Variants in TMIGD1 observed in about 807,000 individuals in gnomAD.
TMIGD1 encodes the protein transmembrane and immunoglobulin domain-containing protein 1.
In TMIGD1, 29 loss-of-function variants were observed where a neutral mutation model predicts 27.5. That is an observed-to-expected ratio of 1.05 (90% confidence interval 0.78 to 1.44). The LOEUF (loss-of-function observed/expected upper bound fraction) is 1.44, where lower values mean the gene tolerates loss of function less well. TMIGD1 is among the 40% of genes most tolerant of loss of function. TMIGD1 has a pLI of 0.00. For missense variants in TMIGD1, 334 were observed against 310.6 expected (o/e 1.08, Z -0.57); for synonymous variants, 109 against 110.3 (o/e 0.99, Z 0.07).
intron 2 of TMIGD1, among the ~76,000 whole-genome samples, chr17:30,330,103 C>T (rs982022821): frequency 3.3e-5 from 5 of 151,878 alleles, no homozygotes; most frequent in African/African-American, 1.2e-4. Flanking sequence ...AGTACTGATG[C>T]CTGATTCTCA....
chr17:30,319,379 C>T (rs1246093949), intron 4 of TMIGD1, among the ~76,000 whole-genome samples: 14 of 136,324 alleles, frequency 1.0e-4, no homozygotes, highest in Admixed American at 1.5e-4. Flanking sequence ...GAGCCAGGGT[C>T]GCGCTACTGC....
intron 6 of TMIGD1, 142 bp downstream of exon 6, chr17:30,317,051 A>G (rs1174637986): frequency 1.0e-6 from 1 of 990,492 alleles, no homozygotes; most frequent in African/African-American, 1.6e-5. Flanking sequence ...AAGTGGAGGC[A>G]GATTTTCCTC....
chr17:30,324,764 C>T, intron 4 of TMIGD1, 52 bp downstream of exon 4: 1 of 1,553,342 alleles, frequency 6.4e-7, no homozygotes, highest in South Asian at 1.1e-5. Flanking sequence ...ATTCACTGAG[C>T]ATCTGGTGTG....
At chr17:30,320,742 A>AGACACTTGG (rs1909592441) in intron 4 of TMIGD1, among the ~76,000 whole-genome samples, 1 of 152,234 alleles carries the variant, frequency 6.6e-6, no homozygotes, top group Non-Finnish European at 1.5e-5. Context: ...CCGTAGTCCC[A>AGACACTTGG]GACACTTGGG....
intron 4 of TMIGD1, 107 bp downstream of exon 4, chr17:30,324,709 T>A: frequency 7.5e-7 from 1 of 1,326,622 alleles, no homozygotes; most frequent in Non-Finnish European, 1.0e-6. Flanking sequence ...AAGAAAATCC[T>A]GGCCCTAATC....
chr17:30,330,979 G>T lies in TMIGD1; in HGVS notation c.82+1073C>A, dbSNP rs142497724. Among the ~76,000 whole-genome samples, 105 of 152,174 alleles carry T rather than the reference G, an allele frequency of 6.9e-4. 1 individual carries two copies. Among genetic ancestry groups the T allele is most frequent in the African/African-American group, 2.4e-3 (99 of 41,502 alleles). ...AGGCTGAGGCGGACGGATCACCTGAGGTCAAAAGTTTGAGACCAGCCTGGC... is the reference window on the plus strand; with the variant it reads ...AGGCTGAGGCGGACGGATCACCTGATGTCAAAAGTTTGAGACCAGCCTGGC... On this transcript the variant is annotated intron_variant, in intron 2 of 6. Transcript: ENST00000328886.
chr17:30,330,330 A>G (rs553964738), intron 2 of TMIGD1, among the ~76,000 whole-genome samples: 2 of 152,312 alleles, frequency 1.3e-5, no homozygotes, highest in Admixed American at 6.5e-5. Flanking sequence ...ATACACACAC[A>G]CGCATGCATA....
intron 5 of TMIGD1, among the ~76,000 whole-genome samples, 198 bp downstream of exon 5, chr17:30,318,611 TC>T (rs1403988587): frequency 5.3e-5 from 8 of 152,188 alleles, no homozygotes; most frequent in Admixed American, 3.9e-4. Flanking sequence ...CATGTGCACT[TC>T]TCTTCTTTGT....
intron 3 of TMIGD1, among the ~76,000 whole-genome samples, chr17:30,327,684 C>T (rs944454430): frequency 2.0e-5 from 3 of 151,904 alleles, no homozygotes; most frequent in South Asian, 2.1e-4. Context: ...CTCAGCCTCC[C>T]GAGCAGCTGG....
Position 30,317,248 on chromosome 17 carries a change from G to A in TMIGD1, c.745-15C>T, listed in dbSNP as rs777266884. 6.2e-7 allele frequency: 1 copy of A among 1,613,884 alleles called. No homozygotes were observed. On this transcript the variant is annotated splice_polypyrimidine_tract_variant and intron_variant, in intron 5 of 6. Coordinates refer to ENST00000328886, the MANE Select transcript of TMIGD1 (RefSeq NM_206832.3). ...TTCATGCAGAGCTAAAAGCAAACATGGCAGTAAATTAGCCTGCTTTTTAAG... is the reference window on the plus strand; with the variant it reads ...TTCATGCAGAGCTAAAAGCAAACATAGCAGTAAATTAGCCTGCTTTTTAAG...
chr17:30,321,381 T>G (rs1287485393), intron 4 of TMIGD1, among the ~76,000 whole-genome samples: 1 of 152,224 alleles, frequency 6.6e-6, no homozygotes, highest in Non-Finnish European at 1.5e-5. Context: ...GCCCCTGGAT[T>G]CTGATGCCAT....
chr17:30,331,620 T>C (rs1020536019), intron 2 of TMIGD1, among the ~76,000 whole-genome samples: 2 of 147,452 alleles, frequency 1.4e-5, no homozygotes, highest in Non-Finnish European at 3.0e-5. Context: ...AGTCTCGCCC[T>C]GTCGCCCAGG....
chr17:30,323,118 T>C (rs547469128), intron 4 of TMIGD1, among the ~76,000 whole-genome samples: 3 of 152,208 alleles, frequency 2.0e-5, no homozygotes, highest in Non-Finnish European at 4.4e-5. Context: ...TGCAGTGAAC[T>C]ATGATTACGC....
At chr17:30,327,999 G>T (rs1212227297) in intron 3 of TMIGD1, among the ~76,000 whole-genome samples, 2 of 150,274 alleles carry the variant, frequency 1.3e-5, no homozygotes, top group Non-Finnish European at 3.0e-5. Context: ...CACCTTTTTT[G>T]ATTTTAAGGT....
chr17:30,326,990 T>C lies in TMIGD1; in HGVS notation c.362-1896A>G, dbSNP rs1031853727. Among the ~76,000 whole-genome samples, 54 of 152,066 alleles carry C rather than the reference T, an allele frequency of 3.6e-4. 2 individuals carry two copies. Among genetic ancestry groups the C allele is most frequent in the Non-Finnish European group, 1.5e-5 (1 of 68,014 alleles). ...CATTTTATGAGCTCATTTTGATTTA[T>C]TGGTTGATGACTTTGTGTCAGTACT... On this transcript the variant is annotated intron_variant, in intron 3 of 6. Transcript: ENST00000328886.
In TMIGD1 at chr17:30,329,491, T is replaced by C. The variant is rs746947182; in HGVS notation, c.121A>G (p.Ile41Val). Residue 41 changes from isoleucine to valine, a missense_variant, in exon 3 of 7, where the codon ATC becomes GTC. Coordinates refer to ENST00000328886, the MANE Select transcript of TMIGD1 (RefSeq NM_206832.3). Reference protein sequence around the residue: ...LTVNGKTENYILDTTPGSQAS... With the variant: ...LTVNGKTENYVLDTTPGSQAS... ...TGGGAGCCAGGTGTAGTATCCAGGA[T>C]ATAGTTCTCAGTTTTACCATTCACA... 8.1e-6 allele frequency: 13 copies of C among 1,613,668 alleles called. No individual in the cohort carries two copies. Among genetic ancestry groups the C allele is most frequent in the Non-Finnish European group, 1.1e-5 (13 of 1,179,768 alleles).
Position 30,323,200 on chromosome 17 carries a change from G to A in TMIGD1, c.640+1616C>T, listed in dbSNP as rs545584691. 5.8e-4 allele frequency among the ~76,000 whole-genome samples: 89 copies of A among 152,214 alleles called. No homozygotes were observed. In the Middle Eastern group the frequency reaches 0.01, roughly 17 times the overall value. ...AAATAAAAGAAAAAGAAAGAAAAAA[G>A]AGACTTTGGCAAGGGTAATTACATA... On this transcript the variant is annotated intron_variant, in intron 4 of 6. Transcript: ENST00000328886.
At chr17:30,326,501 T>G (rs1240955502) in intron 3 of TMIGD1, among the ~76,000 whole-genome samples, 2 of 152,182 alleles carry the variant, frequency 1.3e-5, no homozygotes, top group African/African-American at 4.8e-5. Context: ...ATGGGAAGGT[T>G]TTACATAAAA....
At chr17:30,327,544 T>TTTTTATTTTATTTTA (rs1237730606) in intron 3 of TMIGD1, among the ~76,000 whole-genome samples, 2,172 of 151,886 alleles carry the variant, frequency 0.014, 61 homozygotes, top group African/African-American at 0.05. Context: ...CTTAGCTGGC[T>TTTTTATTTTATTTTA]TTTTATTTTA....
Sources: gnomAD v4.1 joint callset for allele counts (sites outside exome capture counted in the v4.1 genomes callset) on GRCh38, gnomAD v4.1.1 for gene constraint, MANE v1.5 for transcripts, NCBI Gene and HGNC (gene_info 2026-07-23, HGNC 2026-07-21) for gene names.